Variants in MAP2K5 observed in about 807,000 individuals in gnomAD.
The protein encoded by MAP2K5 is dual specificity mitogen-activated protein kinase kinase 5.
A neutral mutation model predicts 83.1 loss-of-function variants in MAP2K5; 49 were observed. That is an observed-to-expected ratio of 0.59 (90% CI 0.47 to 0.75). MAP2K5 has a LOEUF of 0.75. Among genes scored for constraint, MAP2K5 ranks in the 30% least tolerant of loss-of-function variants. The pLI, the probability that MAP2K5 is intolerant of heterozygous loss-of-function variation, is 0.00. For synonymous variants in MAP2K5, 202 were observed against 191.8 expected (o/e 1.05, Z -0.44); for missense variants, 457 against 557.5 (o/e 0.82, Z 1.82).
intron 3 of MAP2K5, among the ~76,000 whole-genome samples, chr15:67,566,960 G>A (rs1324186633): frequency 1.3e-5 from 2 of 152,160 alleles, no homozygotes; most frequent in Non-Finnish European, 2.9e-5. Context: ...AGGTTGTTGT[G>A]TGCTGTTAAA....
At chr15:67,554,500 A>G (rs2140951878) in intron 2 of MAP2K5, among the ~76,000 whole-genome samples, 1 of 152,388 alleles carries the variant, frequency 6.6e-6, no homozygotes, top group African/African-American at 2.4e-5. Flanking sequence ...GTATAAATGT[A>G]GAGAAAAAGA....
intron 13 of MAP2K5, among the ~76,000 whole-genome samples, chr15:67,687,089 A>T (rs2087976436): frequency 6.6e-6 from 1 of 152,230 alleles, no homozygotes; most frequent in African/African-American, 2.4e-5. Context: ...ACTACATTCA[A>T]AATGGCTGCA....
intron 15 of MAP2K5, among the ~76,000 whole-genome samples, chr15:67,696,519 T>G (rs959499075): frequency 1.3e-5 from 2 of 152,214 alleles, no homozygotes; most frequent in African/African-American, 4.8e-5. Context: ...ACTGAGCACC[T>G]TCAATAATCA....
intron 13 of MAP2K5, among the ~76,000 whole-genome samples, chr15:67,675,887 G>C (rs1022444568): frequency 6.6e-5 from 10 of 152,118 alleles, no homozygotes; most frequent in Non-Finnish European, 1.3e-4. Flanking sequence ...TTCTGAAAAT[G>C]AGTATCAATG....
intron 3 of MAP2K5, among the ~76,000 whole-genome samples, chr15:67,570,385 A>C (rs1413948950): frequency 1.3e-5 from 2 of 152,250 alleles, no homozygotes; most frequent in Non-Finnish European, 2.9e-5. Context: ...TCATCTAATC[A>C]ATCTGTGACC....
At chr15:67,754,264 T>G (rs1164383947) in intron 19 of MAP2K5, among the ~76,000 whole-genome samples, 2 of 152,318 alleles carry the variant, frequency 1.3e-5, no homozygotes, top group East Asian at 3.9e-4. Flanking sequence ...TTATCTAAAT[T>G]TTAAATGTCA....
At position 67,577,364 on chromosome 15, in the gene MAP2K5, A is replaced by C. The variant is rs1242423072; in HGVS notation, c.253-3390A>C. Among the ~76,000 whole-genome samples, 1 of 152,244 alleles carries C rather than the reference A, an allele frequency of 6.6e-6. No individual in the cohort carries two copies. The highest frequency in any genetic ancestry group is 1.5e-5 in the Non-Finnish European group (1 of 68,034). On this transcript the variant is annotated intron_variant, in intron 3 of 21. Coordinates refer to ENST00000178640, the MANE Select transcript of MAP2K5 (RefSeq NM_145160.3). This position sits in a 1 kb window ranked among gnomAD's most constrained non-coding sequence, Gnocchi z 4.1. ...CAGACTTAGAATTCAACCCCATTTC[A>C]ATCAGTAAATGTTTATTAAACACCT...
chr15:67,613,789 C>T (rs573154311), intron 8 of MAP2K5, among the ~76,000 whole-genome samples: 1 of 151,538 alleles, frequency 6.6e-6, no homozygotes, highest in African/African-American at 2.4e-5. Flanking sequence ...TTAATGGAAA[C>T]GGGTTAATAT....
intron 6 of MAP2K5, among the ~76,000 whole-genome samples, chr15:67,591,413 A>T (rs2085406375): frequency 6.6e-6 from 1 of 150,822 alleles, no homozygotes; most frequent in Admixed American, 6.6e-5. Context: ...CTCGCTCTGT[A>T]GCCCAGGCTG....
chr15:67,573,584 A>G lies in MAP2K5; in HGVS notation c.253-7170A>G, dbSNP rs1046569404. ...ACAAATCCAAACCATATCAGACTCC[A>G]TCTTGAATAGAAGCTGGGTAAAATG... On this transcript the variant is annotated intron_variant, in intron 3 of 21. Coordinates refer to ENST00000178640, the MANE Select transcript of MAP2K5 (RefSeq NM_145160.3). This position sits in a 1 kb window ranked among gnomAD's most constrained non-coding sequence, Gnocchi z 4.2. Among the ~76,000 whole-genome samples the G allele has an allele frequency of 2.0e-5, 3 of 152,152 alleles. No homozygotes were observed. Among genetic ancestry groups the G allele is most frequent in the South Asian group, 4.2e-4 (2 of 4,814 alleles).
rs2089937267 is a variant in MAP2K5, at chr15:67,760,881, G to A, written c.1135-8721G>A. Among the ~76,000 whole-genome samples the A allele has an allele frequency of 6.6e-6, 1 of 152,140 alleles. No individual in the cohort carries two copies. Among genetic ancestry groups the A allele is most frequent in the African/African-American group, 2.4e-5 (1 of 41,440 alleles). The stretch of plus-strand genomic sequence containing the variant: ...CACCCTGAGCCCAAGTTGGATGCCA[G>A]GGTCAGTTACCCAGCAGCTTGGGCT... On this transcript the variant is annotated intron_variant, in intron 19 of 21. Transcript: ENST00000178640. The surrounding 1 kb of genome is among the most constrained non-coding windows in gnomAD (Gnocchi z 4.1).
At chr15:67,756,480 A>G (rs2089836229) in intron 19 of MAP2K5, among the ~76,000 whole-genome samples, 1 of 151,510 alleles carries the variant, frequency 6.6e-6, no homozygotes, top group South Asian at 2.1e-4. Flanking sequence ...GGATTACCAC[A>G]ATCAAGCTAA....
intron 21 of MAP2K5, among the ~76,000 whole-genome samples, chr15:67,791,534 C>T (rs1332503544): frequency 2.0e-5 from 3 of 152,296 alleles, no homozygotes; most frequent in African/African-American, 7.2e-5. Flanking sequence ...AATGAAAGCA[C>T]CTAGTGAGCA....
chr15:67,569,739 T>C (rs2084913186), intron 3 of MAP2K5, among the ~76,000 whole-genome samples: 2 of 152,168 alleles, frequency 1.3e-5, no homozygotes, highest in Admixed American at 1.3e-4. Context: ...GCCTCAGTCT[T>C]GGTGGCACCA....
At chr15:67,557,138 T>A (rs1282087755) in intron 2 of MAP2K5, among the ~76,000 whole-genome samples, 1 of 152,200 alleles carries the variant, frequency 6.6e-6, no homozygotes, top group Non-Finnish European at 1.5e-5. Flanking sequence ...GATTAATGAG[T>A]ACACCAACAC....
intron 13 of MAP2K5, among the ~76,000 whole-genome samples, chr15:67,685,862 AAC>A: frequency 6.6e-6 from 1 of 152,236 alleles, no homozygotes; most frequent in East Asian, 1.9e-4. Context: ...ATGGAATTGG[AAC>A]ACAGTCATGG....
chr15:67,631,523 G>A (rs993239738), intron 9 of MAP2K5, among the ~76,000 whole-genome samples: 2 of 152,074 alleles, frequency 1.3e-5, no homozygotes, highest in Non-Finnish European at 2.9e-5. Flanking sequence ...CATGTACAAC[G>A]TAAAGCCTAA....
chr15:67,628,030 C>T, intron 8 of MAP2K5: 2 of 738,572 alleles, frequency 2.7e-6, no homozygotes, highest in Non-Finnish European at 2.4e-6. Context: ...GGGTTTGTCA[C>T]ATATGCCCCT....
In MAP2K5 at chr15:67,652,780, A is replaced by G. The variant is rs2086982805; in HGVS notation, c.737-5773A>G. On this transcript the variant is annotated intron_variant, in intron 11 of 21. Coordinates refer to ENST00000178640, the MANE Select transcript of MAP2K5 (RefSeq NM_145160.3). This position sits in a 1 kb window ranked among gnomAD's most constrained non-coding sequence, Gnocchi z 4.2. Reference sequence around the variant, plus strand: ...AAAACTGAAACTCTATACCTATTAAATAAGAACTCCTCATTCACCCCCGCT... The same window carrying G: ...AAAACTGAAACTCTATACCTATTAAGTAAGAACTCCTCATTCACCCCCGCT... Among the ~76,000 whole-genome samples, 1 of 152,154 alleles carries G rather than the reference A, an allele frequency of 6.6e-6. No homozygotes were observed. Among genetic ancestry groups the G allele is most frequent in the Admixed American group, 6.6e-5 (1 of 15,264 alleles).
Sources: allele counts gnomAD v4.1 joint callset (sites outside exome capture counted in the v4.1 genomes callset), GRCh38; gene constraint gnomAD v4.1.1; non-coding constraint Gnocchi (gnomAD v3.1); transcripts MANE v1.5; gene names NCBI Gene and HGNC (gene_info 2026-07-23, HGNC 2026-07-21).